KAZN: variants seen among roughly 807,000 people sequenced by gnomAD.
The protein encoded by KAZN is kazrin.
A neutral mutation model predicts 87.4 loss-of-function variants in KAZN; 40 were observed. The ratio of observed to expected loss-of-function variants is 0.46; its 90% CI spans 0.36 to 0.60. The LOEUF is 0.60. Ranked by LOEUF, KAZN falls within the 20% of genes least tolerant of loss-of-function variation. The probability of loss-of-function intolerance (pLI) is 0.00; values close to 1 mark genes in which losing one functional copy is unlikely to be tolerated. For synonymous variants in KAZN, 466 were observed against 458.3 expected, an observed-to-expected ratio of 1.02 and a Z score of -0.22; for missense variants, 898 against 1,073.9, an observed-to-expected ratio of 0.84 and a Z score of 2.29.
At chr1:14,139,647 G>A (rs928420260) in intron 1 of KAZN, among the ~76,000 whole-genome samples, 9 of 152,308 alleles carry the variant, frequency 5.9e-5, no homozygotes, top group African/African-American at 2.2e-4. Context: ...TTCTGCAGAG[G>A]TGGCCAGTGG....
intron 2 of KAZN, among the ~76,000 whole-genome samples, chr1:14,364,311 T>C (rs1213395040): frequency 6.6e-6 from 1 of 152,162 alleles, no homozygotes; most frequent in Non-Finnish European, 1.5e-5. Context: ...GATTTACTAA[T>C]CTATGCCTCA....
Position 14,783,741 on chromosome 1 carries a change from G to A in KAZN, c.227-176943G>A, listed in dbSNP as rs189715121. Reference sequence around the variant, plus strand: ...GCGGGGTCCTGGCTGAGGAGTAGGTGTTTTCTGGTAGGCAGGCACGGCAGA... The same window carrying A: ...GCGGGGTCCTGGCTGAGGAGTAGGTATTTTCTGGTAGGCAGGCACGGCAGA... On this transcript the variant is annotated intron_variant, in intron 1 of 14. Transcript: ENST00000376030. Among the ~76,000 whole-genome samples the A allele has an allele frequency of 1.2e-3, 178 of 152,234 alleles. 1 individual carries two copies. Among genetic ancestry groups the A allele is most frequent in the African/African-American group, 4.2e-3 (173 of 41,528 alleles).
At position 14,884,256 on chromosome 1, in the gene KAZN, G is replaced by T. The variant is rs1252150411; in HGVS notation, c.227-76428G>T. Among the ~76,000 whole-genome samples the T allele has an allele frequency of 9.9e-5, 15 of 152,236 alleles. 1 individual carries two copies. The East Asian group carries it at 2.9e-3, about 29-fold the overall frequency. On this transcript the variant is annotated intron_variant, in intron 1 of 14. Coordinates refer to ENST00000376030, the MANE Select transcript of KAZN (RefSeq NM_201628.3). Reference sequence around the variant, plus strand: ...AAAATACAAAAATTAGCTGGGTGTGGTGGCGGGCACCTGTAGTCCCAGCTA... The same window carrying T: ...AAAATACAAAAATTAGCTGGGTGTGTTGGCGGGCACCTGTAGTCCCAGCTA...
chr1:14,368,978 T>C (rs1660244713), intron 2 of KAZN, among the ~76,000 whole-genome samples: 1 of 152,150 alleles, frequency 6.6e-6, no homozygotes, highest in African/African-American at 2.4e-5. Context: ...CGGGTCACCT[T>C]TCTTTGGTCC....
intron 2 of KAZN, among the ~76,000 whole-genome samples, chr1:14,242,045 G>A (rs1379408101): frequency 6.6e-6 from 1 of 152,134 alleles, no homozygotes; most frequent in Non-Finnish European, 1.5e-5. Flanking sequence ...TTTCTGACCT[G>A]TTGCTCCTTG....
chr1:13,928,206 C>T (rs1358933213), intron 1 of KAZN, among the ~76,000 whole-genome samples: 2 of 152,192 alleles, frequency 1.3e-5, no homozygotes, highest in African/African-American at 4.8e-5. Context: ...ACCTGGGGTT[C>T]TCCTGAAAGT....
intron 2 of KAZN, among the ~76,000 whole-genome samples, chr1:14,377,972 C>A (rs1421289410): frequency 6.6e-6 from 1 of 152,220 alleles, no homozygotes; most frequent in Non-Finnish European, 1.5e-5. Flanking sequence ...CCCCAGCTGA[C>A]AACCACTGGC....
intron 1 of KAZN, among the ~76,000 whole-genome samples, chr1:14,039,481 A>G (rs926529379): frequency 1.3e-5 from 2 of 152,220 alleles, no homozygotes; most frequent in Admixed American, 6.5e-5. Context: ...ACATCTAGCA[A>G]TGCAAGATTG....
chr1:14,280,565 C>T (rs140174263), intron 2 of KAZN, among the ~76,000 whole-genome samples: 155 of 152,000 alleles, frequency 1.0e-3, no homozygotes, highest in African/African-American at 2.9e-3. Context: ...CAGGCAACCA[C>T]CAGAAGCAAG....
At chr1:14,857,422 G>A (rs1323699822) in intron 1 of KAZN, among the ~76,000 whole-genome samples, 1 of 152,070 alleles carries the variant, frequency 6.6e-6, no homozygotes, top group Non-Finnish European at 1.5e-5. Context: ...CACATTTGTG[G>A]TCCCAGCTAC....
intron 1 of KAZN, among the ~76,000 whole-genome samples, chr1:14,096,700 A>T (rs1020585751): frequency 1.3e-5 from 2 of 152,210 alleles, no homozygotes; most frequent in Non-Finnish European, 2.9e-5. Flanking sequence ...AGAAGGCTTC[A>T]AGAAGGAGGC....
chr1:14,958,744 C>A (rs968793822), intron 1 of KAZN, among the ~76,000 whole-genome samples: 3 of 152,224 alleles, frequency 2.0e-5, no homozygotes, highest in Non-Finnish European at 2.9e-5. Flanking sequence ...ACGCTCCTGG[C>A]TCTACCTGCA....
intron 2 of KAZN, among the ~76,000 whole-genome samples, chr1:14,299,997 G>T (rs1286026643): frequency 2.0e-5 from 3 of 152,094 alleles, no homozygotes; most frequent in African/African-American, 4.8e-5. Context: ...TGTGGGGGTA[G>T]GAGGGGGAAT....
intron 1 of KAZN, among the ~76,000 whole-genome samples, chr1:14,152,966 C>A (rs1383829597): frequency 2.0e-5 from 3 of 152,028 alleles, no homozygotes; most frequent in Non-Finnish European, 2.9e-5. Flanking sequence ...TTTTCATATA[C>A]CTGTTTGCCA....
intron 2 of KAZN, among the ~76,000 whole-genome samples, chr1:14,377,207 G>T (rs139059880): frequency 6.6e-6 from 1 of 152,170 alleles, no homozygotes; most frequent in Non-Finnish European, 1.5e-5. Context: ...AATAACATGA[G>T]GGCAGGAATC....
rs533845333 is a variant in KAZN, at chr1:14,804,043, C to T, written c.227-156641C>T. Among the ~76,000 whole-genome samples, 18 of 152,376 alleles carry T rather than the reference C, an allele frequency of 1.2e-4. 1 individual carries two copies. The highest frequency in any genetic ancestry group is 4.3e-4 in the African/African-American group (18 of 41,596). ...CTCTTGCCTGATCTTGTGTCCCATT[C>T]CAATGCCTGCCAGCTCCTGGCCTAG... On this transcript the variant is annotated intron_variant, in intron 1 of 14. Transcript: ENST00000376030.
chr1:14,170,730 T>TA (rs1435446400), intron 1 of KAZN, among the ~76,000 whole-genome samples: 2 of 148,424 alleles, frequency 1.3e-5, no homozygotes, highest in Non-Finnish European at 3.0e-5. Flanking sequence ...CTGTAATTAT[T>TA]TTTTTTTCTG....
chr1:14,502,044 G>A (rs1214688283), intron 2 of KAZN, among the ~76,000 whole-genome samples: 1 of 152,120 alleles, frequency 6.6e-6, no homozygotes, highest in African/African-American at 2.4e-5. Flanking sequence ...TAGTGGTGAT[G>A]GTTGCACTAC....
rs891554341 is a variant in KAZN, at chr1:14,653,373, T to C, written c.226+54150T>C. ...TGGCAAGGGTAGCAATAAGTGGCAG[T>C]TGATCCAGCTCCCTGGGGCGTGTTG... On this transcript the variant is annotated intron_variant, in intron 1 of 14. Transcript: ENST00000376030. Among the ~76,000 whole-genome samples, 7 of 152,212 alleles carry C rather than the reference T, an allele frequency of 4.6e-5. No individual in the cohort carries two copies. In the South Asian group the frequency reaches 6.2e-4, roughly 13 times the overall value.
Sources: gnomAD v4.1 joint callset for allele counts (sites outside exome capture counted in the v4.1 genomes callset) on GRCh38, gnomAD v4.1.1 for gene constraint, MANE v1.5 for transcripts, NCBI Gene and HGNC (gene_info 2026-07-23, HGNC 2026-07-21) for gene names.